The following DIAPH3 variants were observed in gnomAD, a reference collection of about 807,000 sequenced individuals.
The protein encoded by DIAPH3 is protein diaphanous homolog 3.
Under a neutral mutation model 144.3 loss-of-function variants are expected in DIAPH3, and 117 were observed. The observed-to-expected ratio is 0.81, with a 90% CI of 0.70 to 0.95. The LOEUF (loss-of-function observed/expected upper bound fraction) is 0.95, where lower values mean the gene tolerates loss of function less well. DIAPH3 is among the 40% of genes least tolerant of loss of function. The pLI is 0.00. For synonymous variants in DIAPH3, 519 were observed against 488.9 expected (o/e 1.06, Z -0.81); for missense variants, 1,421 against 1,412.7 (o/e 1.01, Z -0.09).
chr13:60,125,394 ATTT>A (rs56267083), intron 2 of DIAPH3, among the ~76,000 whole-genome samples: 3,502 of 97,604 alleles, frequency 0.036, 101 homozygotes, highest in Admixed American at 0.08. Flanking sequence ...CACCCAGCTA[ATTT>A]TTTTTTTTTT....
At chr13:60,102,727 A>G (rs2058306030) in intron 3 of DIAPH3, among the ~76,000 whole-genome samples, 1 of 152,176 alleles carries the variant, frequency 6.6e-6, no homozygotes, top group Admixed American at 6.5e-5. Context: ...ACACTAGCAG[A>G]CCCACACTAA....
intron 9 of DIAPH3, among the ~76,000 whole-genome samples, chr13:59,999,659 T>C (rs2052409095): frequency 1.3e-5 from 2 of 152,182 alleles, no homozygotes; most frequent in African/African-American, 4.8e-5. Context: ...CATGGGACTT[T>C]GGCTCAAGGA....
intron 4 of DIAPH3, among the ~76,000 whole-genome samples, chr13:60,066,689 A>G (rs1349912868): frequency 6.6e-6 from 1 of 152,252 alleles, no homozygotes; most frequent in Non-Finnish European, 1.5e-5. Flanking sequence ...ATTAAAAATT[A>G]CATAATCCCT....
At chr13:60,085,659 C>T (rs1379717501) in intron 4 of DIAPH3, among the ~76,000 whole-genome samples, 1 of 152,120 alleles carries the variant, frequency 6.6e-6, no homozygotes, top group Non-Finnish European at 1.5e-5. Flanking sequence ...TACTTAGCCC[C>T]TTTGTTCACT....
In DIAPH3 at chr13:59,720,177, T is replaced by C. The variant is rs142540699; in HGVS notation, c.3320-53331A>G. Reference sequence around the variant, plus strand: ...TAAGTGTATCTAAACACAGAAAAGGTATAGTAAAAATACAATATAAAGATA... The same window carrying C: ...TAAGTGTATCTAAACACAGAAAAGGCATAGTAAAAATACAATATAAAGATA... On this transcript the variant is annotated intron_variant, in intron 27 of 27. Transcript: ENST00000400324. Among the ~76,000 whole-genome samples, 435 of 152,240 alleles carry C rather than the reference T, an allele frequency of 2.9e-3. 3 individuals carry two copies. Among genetic ancestry groups the C allele is most frequent in the African/African-American group, 0.01 (420 of 41,570 alleles).
chr13:59,784,316 C>T lies in DIAPH3; in HGVS notation c.3164-9493G>A, dbSNP rs528733422. Among the ~76,000 whole-genome samples, 7 of 152,050 alleles carry T rather than the reference C, an allele frequency of 4.6e-5. No individual in the cohort carries two copies. The East Asian group carries it at 1.4e-3, about 30-fold the overall frequency. On this transcript the variant is annotated intron_variant, in intron 25 of 27. Coordinates refer to ENST00000400324, the MANE Select transcript of DIAPH3 (RefSeq NM_001042517.2). The stretch of plus-strand genomic sequence containing the variant: ...TAGGATGGTCTCAATCTCCTGACCT[C>T]GTGATCCACCCGCTTTGGCCTCCCA...
chr13:59,910,720 A>T lies in DIAPH3; in HGVS notation c.2367+1015T>A, dbSNP rs371604211. ...ACTCCAGCCTGGGCGACAGAGCAAG[A>T]TTCTGTCTCAAGTATTTAAAAAAAA... On this transcript the variant is annotated intron_variant, in intron 20 of 27. Transcript: ENST00000400324. Among the ~76,000 whole-genome samples, 10 of 149,840 alleles carry T rather than the reference A, an allele frequency of 6.7e-5. No homozygotes were observed. In the East Asian group the frequency reaches 1.8e-3, roughly 27 times the overall value.
intron 9 of DIAPH3, among the ~76,000 whole-genome samples, chr13:59,992,846 G>GAAA (rs200815478): frequency 2.9e-5 from 2 of 70,054 alleles, no homozygotes; most frequent in African/African-American, 4.7e-5. Context: ...TAAAAAAATA[G>GAAA]AAAAAAAAAA....
chr13:59,794,807 C>T (rs1305795077), intron 25 of DIAPH3, among the ~76,000 whole-genome samples: 1 of 152,144 alleles, frequency 6.6e-6, no homozygotes, highest in Admixed American at 6.5e-5. Flanking sequence ...CCATGCCCAG[C>T]CTAGTATAAA....
At position 59,970,068 on chromosome 13, in the gene DIAPH3, G is replaced by GTCTTCTCTCTGATTGT; in HGVS notation, c.1960-11_1960-10insACAATCAGAGAGAAGA. The GTCTTCTCTCTGATTGT allele has an allele frequency of 6.6e-7, 1 of 1,511,630 alleles. No individual in the cohort carries two copies. Among genetic ancestry groups the GTCTTCTCTCTGATTGT allele is most frequent in the Non-Finnish European group, 9.1e-7 (1 of 1,094,990 alleles). The allele number at this position is 1,511,630 out of a possible 1,614,324, so 93.6% of individuals were successfully genotyped here. On this transcript the variant is annotated splice_polypyrimidine_tract_variant and intron_variant, in intron 16 of 27. Transcript: ENST00000400324. ...TTTCATGAGGTCTGATCTACAATCA[G>GTCTTCTCTCTGATTGT]AGAGAAGACTGATTCATCAATAGGT...
chr13:59,763,669 G>A (rs542858571), intron 27 of DIAPH3, among the ~76,000 whole-genome samples: 77 of 152,140 alleles, frequency 5.1e-4, no homozygotes, highest in South Asian at 8.3e-4. Flanking sequence ...AGGCAACAGA[G>A]AGAAACCCTG....
intron 27 of DIAPH3, among the ~76,000 whole-genome samples, chr13:59,712,381 T>G (rs1244980931): frequency 6.6e-6 from 1 of 152,192 alleles, no homozygotes; most frequent in Non-Finnish European, 1.5e-5. Context: ...TCTGTTCAAG[T>G]CAGTAACTCA....
intron 14 of DIAPH3, among the ~76,000 whole-genome samples, chr13:59,977,703 T>C (rs1414347334): frequency 6.6e-6 from 1 of 151,652 alleles, no homozygotes; most frequent in African/African-American, 2.4e-5. Context: ...AATCCAAAAA[T>C]GTTAGTATCT....
intron 4 of DIAPH3, among the ~76,000 whole-genome samples, chr13:60,079,707 G>A (rs2057487967): frequency 6.6e-6 from 1 of 151,836 alleles, no homozygotes; most frequent in East Asian, 1.9e-4. Context: ...AAAAGGGTTT[G>A]GCTCAATATC....
intron 14 of DIAPH3, among the ~76,000 whole-genome samples, chr13:59,975,354 G>T (rs951425643): frequency 2.6e-5 from 4 of 151,870 alleles, no homozygotes; most frequent in African/African-American, 4.8e-5. Flanking sequence ...TTTATAAAGG[G>T]AATCTTACTT....
intron 20 of DIAPH3, among the ~76,000 whole-genome samples, chr13:59,885,413 T>C (rs1168157570): frequency 8.4e-6 from 1 of 118,788 alleles, no homozygotes; most frequent in Non-Finnish European, 1.7e-5. Context: ...AATGAAACTA[T>C]ACGGTAAACA....
chr13:60,130,929 T>C (rs747396161), intron 2 of DIAPH3, among the ~76,000 whole-genome samples: 2 of 152,082 alleles, frequency 1.3e-5, no homozygotes, highest in Non-Finnish European at 2.9e-5. Context: ...TAATATAAGA[T>C]AGAGCAACAT....
chr13:59,852,508 A>C (rs2043034068), intron 22 of DIAPH3, among the ~76,000 whole-genome samples: 1 of 152,224 alleles, frequency 6.6e-6, no homozygotes, highest in African/African-American at 2.4e-5. Flanking sequence ...TTCAAAAGAA[A>C]TCTTATGTCA....
At chr13:59,995,996 A>G (rs1299178808) in intron 9 of DIAPH3, among the ~76,000 whole-genome samples, 1 of 152,060 alleles carries the variant, frequency 6.6e-6, no homozygotes, top group Non-Finnish European at 1.5e-5. Flanking sequence ...ACCATAAGTG[A>G]GGTAGAAGGA....
Sources: gnomAD v4.1 joint callset for allele counts (sites outside exome capture counted in the v4.1 genomes callset) on GRCh38, gnomAD v4.1.1 for gene constraint, MANE v1.5 for transcripts, NCBI Gene and HGNC (gene_info 2026-07-23, HGNC 2026-07-21) for gene names.